SMARCA5: variants seen among roughly 807,000 people sequenced by gnomAD.
The protein encoded by SMARCA5 is SNF2 related chromatin remodeling ATPase 5, also known as SWI/SNF-related matrix-associated actin-dependent regulator of chromatin subfamily A member 5.
A neutral mutation model predicts 140.4 loss-of-function variants in SMARCA5; 18 were observed. That is an observed-to-expected ratio of 0.13 (90% CI 0.09 to 0.19). SMARCA5 has a LOEUF of 0.19. Ranked by LOEUF, SMARCA5 falls within the 10% of genes least tolerant of loss-of-function variation. SMARCA5 has a pLI of 1.00. For synonymous variants in SMARCA5, 449 were observed against 419.6 expected (o/e 1.07, Z -0.86); for missense variants, 606 against 1,276.8 (o/e 0.47, Z 8.01).
chr4:143,538,658 A>G lies in SMARCA5; in HGVS notation c.1564A>G (p.Arg522Gly). ...CATTTTGGAAGATTATTGCATGTGGAGAAATTATGAGTACTGCAGGTTGGA... is the reference window on the plus strand; with the variant it reads ...CATTTTGGAAGATTATTGCATGTGGGGAAATTATGAGTACTGCAGGTTGGA... ...LDILEDYCMW[R>G]NYEYCRLDGQ... Residue 522 changes from arginine to glycine, a missense_variant, in exon 12 of 24, where the codon AGA becomes GGA. Transcript: ENST00000283131. 6.2e-7 allele frequency: 1 copy of G among 1,613,746 alleles called. No individual in the cohort carries two copies. Among genetic ancestry groups the G allele is most frequent in the Non-Finnish European group, 8.5e-7 (1 of 1,179,670 alleles).
At position 143,538,768 on chromosome 4, in the gene SMARCA5, A is replaced by G. The variant is rs775765214; in HGVS notation, c.1618-18A>G. The G allele has an allele frequency of 1.9e-6, 3 of 1,613,228 alleles. No homozygotes were observed. Among genetic ancestry groups the G allele is most frequent in the Non-Finnish European group, 8.5e-7 (1 of 1,179,558 alleles). Reference sequence around the variant, plus strand: ...GAATCAGATAAATTTTTTGACAACCATTTTGTTTTATCCATAGGACTCCAT... The same window carrying G: ...GAATCAGATAAATTTTTTGACAACCGTTTTGTTTTATCCATAGGACTCCAT... On this transcript the variant is annotated intron_variant, in intron 12 of 23. Transcript: ENST00000283131.
intron 22 of SMARCA5, among the ~76,000 whole-genome samples, chr4:143,549,393 G>A (rs750805561): frequency 6.6e-6 from 1 of 152,068 alleles, no homozygotes. Flanking sequence ...CCGTGCAGAT[G>A]GACTTCTGTT....
At chr4:143,534,457 G>A (rs1177674627) in intron 9 of SMARCA5, among the ~76,000 whole-genome samples, 1 of 152,174 alleles carries the variant, frequency 6.6e-6, no homozygotes, top group Non-Finnish European at 1.5e-5. Context: ...GGTTCCATCT[G>A]TGTTAAATAT....
At chr4:143,549,807 A>G (rs1478151798) in intron 22 of SMARCA5, among the ~76,000 whole-genome samples, 190 bp from the exon 23 acceptor site, 1 of 152,094 alleles carries the variant, frequency 6.6e-6, no homozygotes, top group Admixed American at 6.6e-5. Flanking sequence ...GAGTAAAAAC[A>G]TTATTTACAA....
rs1737746615 is a variant in SMARCA5 at position 143,556,108 on chromosome 4, A to G, written c.*2924A>G. On this transcript the variant is annotated 3_prime_UTR_variant, in exon 24 of 24. Transcript: ENST00000283131. ...TTGAATGCTCATTAGGGCATTTCTG[A>G]TTTTTGGATTAGGGATGCTGAACTG... 1 of 152,196 alleles carries G rather than the reference A, an allele frequency of 6.6e-6. No homozygotes were observed. Among genetic ancestry groups the G allele is most frequent in the African/African-American group, 2.4e-5 (1 of 41,458 alleles). The allele number at this position is 152,196 out of a possible 1,614,324, so 9.4% of individuals were successfully genotyped here. A position where few individuals can be genotyped will look rare whatever the true frequency, so the allele number is the denominator to read the frequency against.
chr4:143,514,707 G>A (rs970716100), intron 1 of SMARCA5: 3 of 152,416 alleles, frequency 2.0e-5, no homozygotes, highest in African/African-American at 7.2e-5. Flanking sequence ...GCCCCTCCCA[G>A]GCACTATTCC....
chr4:143,547,320 C>T (rs1737544448), intron 20 of SMARCA5, 65 bp from the exon 21 acceptor site: 1 of 841,298 alleles, frequency 1.2e-6, no homozygotes, highest in South Asian at 1.6e-5. Flanking sequence ...CCAGTTGATC[C>T]CATTTTTTTT....
At chr4:143,539,874 A>C (rs1176790048) in intron 13 of SMARCA5, among the ~76,000 whole-genome samples, 1 of 152,166 alleles carries the variant, frequency 6.6e-6, no homozygotes, top group Non-Finnish European at 1.5e-5. Flanking sequence ...ACTAAGGGTG[A>C]CAGGGGAAAA....
intron 6 of SMARCA5, among the ~76,000 whole-genome samples, chr4:143,527,076 A>T (rs1737089878): frequency 6.6e-6 from 1 of 152,230 alleles, no homozygotes; most frequent in African/African-American, 2.4e-5. Flanking sequence ...TAGTGGTAAT[A>T]GTCACAGAAT....
intron 6 of SMARCA5, among the ~76,000 whole-genome samples, chr4:143,527,348 AT>A (rs1327293514): frequency 6.6e-6 from 1 of 152,050 alleles, no homozygotes; most frequent in East Asian, 1.9e-4. Context: ...GTTATGTTGG[AT>A]ATTTTAAGTT....
In SMARCA5 at chr4:143,545,546, A is replaced by G; in HGVS notation, c.2360A>G (p.Lys787Arg). The G allele has an allele frequency of 6.2e-7, 1 of 1,610,050 alleles. No individual in the cohort carries two copies. The highest frequency in any genetic ancestry group is 8.5e-7 in the Non-Finnish European group (1 of 1,176,502). ...FPPRLFELLE[K>R]EILFYRKTIG... is the part of the protein sequence containing the mutation. Reference sequence around the variant, plus strand: ...CCACGTTTATTTGAATTACTGGAAAAAGAAATTCTGTTTTACAGAAAAACT... The same window carrying G: ...CCACGTTTATTTGAATTACTGGAAAGAGAAATTCTGTTTTACAGAAAAACT... Residue 787 changes from lysine (K) to arginine (R), a missense_variant, in exon 18 of 24, where the codon AAA becomes AGA. Physicochemically the swap from Lys to Arg is conservative, Grantham distance 26. This residue lies in a region of SMARCA5 where 121 missense variants were observed against 227.1 expected (regional missense o/e 0.53). Transcript: ENST00000283131.
Position 143,536,807 on chromosome 4 carries a change from T to G in SMARCA5, c.1495+129T>G. 4.4e-6 allele frequency: 3 copies of G among 674,388 alleles called. No homozygotes were observed. In the South Asian group the frequency reaches 5.6e-5, roughly 13 times the overall value. 41.8% of individuals were successfully genotyped at this position (674,388 alleles called of 1,614,324 possible). On this transcript the variant is annotated intron_variant, in intron 11 of 23. Transcript: ENST00000283131. ...TGACGTGTAGAACATTAAAAAAACC[T>G]GTTCATTATCTGAGCTCTAACCCCC...
intron 8 of SMARCA5, among the ~76,000 whole-genome samples, chr4:143,529,767 T>G (rs888597776): frequency 6.6e-6 from 1 of 152,190 alleles, no homozygotes; most frequent in African/African-American, 2.4e-5. Flanking sequence ...TGTTGAAGAT[T>G]GTTTTGAAAG....
At position 143,555,265 on chromosome 4, in the gene SMARCA5, CTGAT is replaced by C. The variant is rs921388577; in HGVS notation, c.*2084_*2087del. On this transcript the variant is annotated 3_prime_UTR_variant, in exon 24 of 24. Coordinates refer to ENST00000283131, the MANE Select transcript of SMARCA5 (RefSeq NM_003601.4). ...CCTTCATGGGTCCAAAATTTGAAGACTGATTGTTGTCATTGCCAAAATCATTGTA... is the reference window on the plus strand; with the variant it reads ...CCTTCATGGGTCCAAAATTTGAAGACTGTTGTCATTGCCAAAATCATTGTA... 2.3e-6 allele frequency: 2 copies of C among 857,784 alleles called. No individual in the cohort carries two copies. Among genetic ancestry groups the C allele is most frequent in the East Asian group, 2.5e-5 (1 of 40,794 alleles). The allele number at this position is 857,784 out of a possible 1,614,324, so 53.1% of individuals were successfully genotyped here.
At chr4:143,520,653 A>T (rs116413075) in intron 2 of SMARCA5, among the ~76,000 whole-genome samples, 21 of 152,268 alleles carry the variant, frequency 1.4e-4, no homozygotes, top group African/African-American at 5.1e-4. Flanking sequence ...AGAGATGTTG[A>T]GTAGTTGGTT....
Position 143,528,726 on chromosome 4 carries a change from C to G in SMARCA5, c.1089+12C>G, listed in dbSNP as rs1002889152. The G allele has an allele frequency of 6.2e-7, 1 of 1,602,668 alleles. No individual in the cohort carries two copies. The highest frequency in any genetic ancestry group is 8.5e-7 in the Non-Finnish European group (1 of 1,176,320). ...TTAATTCAGCAGATGTAAGTATTTCCTGGTGCTTTCTGGTTAATAATAATA... is the reference window on the plus strand; with the variant it reads ...TTAATTCAGCAGATGTAAGTATTTCGTGGTGCTTTCTGGTTAATAATAATA... On this transcript the variant is annotated intron_variant, in intron 8 of 23. Transcript: ENST00000283131.
intron 9 of SMARCA5, among the ~76,000 whole-genome samples, chr4:143,533,484 G>A (rs1737239992): frequency 6.7e-6 from 1 of 149,610 alleles, no homozygotes; most frequent in African/African-American, 2.5e-5. Flanking sequence ...ATCTTAATGA[G>A]ACCCTTGTCC....
intron 11 of SMARCA5, 134 bp downstream of exon 11, chr4:143,536,812 A>G: frequency 1.5e-6 from 1 of 659,480 alleles, no homozygotes; most frequent in Non-Finnish European, 2.7e-6. Flanking sequence ...AAACCTGTTC[A>G]TTATCTGAGC....
chr4:143,548,230 A>G (rs2088415), intron 22 of SMARCA5, 90 bp downstream of exon 22: 383,805 of 700,536 alleles, frequency 0.55, 107,249 homozygotes, highest in Middle Eastern at 0.58. Flanking sequence ...AAAAAAATCT[A>G]TGAAGTAGAC....
Sources: allele counts gnomAD v4.1 joint callset (sites outside exome capture counted in the v4.1 genomes callset), GRCh38; gene constraint gnomAD v4.1.1; regional missense constraint gnomAD v4.1.1; transcripts MANE v1.5; gene names NCBI Gene and HGNC (gene_info 2026-07-23, HGNC 2026-07-21).